EPHB1: variants seen among roughly 807,000 people sequenced by gnomAD.
EPHB1 encodes the protein EPH receptor B1.
In EPHB1, 30 loss-of-function variants were observed where a neutral mutation model predicts 94.4. The observed-to-expected ratio is 0.32, with a 90% CI of 0.24 to 0.43. The LOEUF (loss-of-function observed/expected upper bound fraction) is 0.43, where lower values mean the gene tolerates loss of function less well. EPHB1 is among the 20% of genes least tolerant of loss of function. The probability of loss-of-function intolerance (pLI) is 1.00; values close to 1 mark genes in which losing one functional copy is unlikely to be tolerated. For missense variants in EPHB1, 1,055 were observed against 1,308.3 expected (o/e 0.81, Z 2.99); for synonymous variants, 522 against 489.1 (o/e 1.07, Z -0.89).
At chr3:135,236,228 T>C (rs941073629) in intron 12 of EPHB1, among the ~76,000 whole-genome samples, 4 of 152,206 alleles carry the variant, frequency 2.6e-5, no homozygotes, top group African/African-American at 9.6e-5. Flanking sequence ...CCATCAATTC[T>C]TGATATAACT....
intron 1 of EPHB1, among the ~76,000 whole-genome samples, chr3:134,869,360 A>G (rs1237345031): frequency 6.6e-6 from 1 of 152,216 alleles, no homozygotes; most frequent in Non-Finnish European, 1.5e-5. Context: ...GCCATTCTCA[A>G]TAGACTCTGC....
At chr3:134,894,427 C>T (rs910339734) in intron 1 of EPHB1, among the ~76,000 whole-genome samples, 1 of 152,198 alleles carries the variant, frequency 6.6e-6, no homozygotes, top group Admixed American at 6.5e-5. Context: ...GTTTTACAGC[C>T]TAGAAACCTT....
chr3:135,194,593 G>A (rs1942546698), intron 11 of EPHB1, among the ~76,000 whole-genome samples: 1 of 152,174 alleles, frequency 6.6e-6, no homozygotes, highest in South Asian at 2.1e-4. Flanking sequence ...AGAGCTTAGG[G>A]GCTGTAGTGT....
intron 3 of EPHB1, among the ~76,000 whole-genome samples, chr3:135,070,275 G>A (rs1937661014): frequency 6.6e-6 from 1 of 152,188 alleles, no homozygotes; most frequent in Non-Finnish European, 1.5e-5. Flanking sequence ...AGGGACTCTG[G>A]TCCTGTAAGG....
At chr3:135,103,167 T>G (rs1449826993) in intron 3 of EPHB1, among the ~76,000 whole-genome samples, 1 of 152,166 alleles carries the variant, frequency 6.6e-6, no homozygotes, top group East Asian at 1.9e-4. Flanking sequence ...AAAAAATCTT[T>G]AATAAATGAA....
intron 1 of EPHB1, among the ~76,000 whole-genome samples, chr3:134,909,396 C>T (rs1461241583): frequency 6.6e-6 from 1 of 152,204 alleles, no homozygotes; most frequent in Non-Finnish European, 1.5e-5. Flanking sequence ...ACTGCGTGAC[C>T]ACCTGGGTAG....
chr3:134,997,802 A>G (rs917858000), intron 3 of EPHB1, among the ~76,000 whole-genome samples: 2 of 152,140 alleles, frequency 1.3e-5, no homozygotes, highest in Non-Finnish European at 2.9e-5. Flanking sequence ...TTTTCTTCTC[A>G]ATTCTGCAGT....
intron 2 of EPHB1, among the ~76,000 whole-genome samples, chr3:134,949,793 C>T (rs1240319531): frequency 6.6e-6 from 1 of 152,138 alleles, no homozygotes; most frequent in Non-Finnish European, 1.5e-5. Flanking sequence ...ATCCTCCGTT[C>T]TTGAGACCAG....
intron 1 of EPHB1, among the ~76,000 whole-genome samples, chr3:134,922,326 G>A (rs1301809006): frequency 6.6e-6 from 1 of 152,172 alleles, no homozygotes; most frequent in Non-Finnish European, 1.5e-5. Context: ...CCATCATCAG[G>A]AGCTCTCTGT....
At chr3:135,003,076 G>C (rs1100571) in intron 3 of EPHB1, among the ~76,000 whole-genome samples, 5 of 135,930 alleles carry the variant, frequency 3.7e-5, no homozygotes. Context: ...GATCTCTCCT[G>C]CTTTCTCTTG....
chr3:135,186,726 T>C (rs1380631036), intron 10 of EPHB1, among the ~76,000 whole-genome samples: 1 of 152,220 alleles, frequency 6.6e-6, no homozygotes. Flanking sequence ...CATACAATAG[T>C]TGAGGCATTT....
At chr3:135,040,376 G>T (rs1936794437) in intron 3 of EPHB1, among the ~76,000 whole-genome samples, 1 of 152,226 alleles carries the variant, frequency 6.6e-6, no homozygotes, top group African/African-American at 2.4e-5. Context: ...GGTGTCTTAG[G>T]AATAGCTCCC....
intron 3 of EPHB1, among the ~76,000 whole-genome samples, chr3:134,956,547 G>A (rs1375368498): frequency 6.6e-6 from 1 of 152,126 alleles, no homozygotes; most frequent in Non-Finnish European, 1.5e-5. Flanking sequence ...GGGCTGTCAT[G>A]CACAGGAGGT....
At chr3:134,998,528 A>G (rs1935071349) in intron 3 of EPHB1, among the ~76,000 whole-genome samples, 2 of 152,184 alleles carry the variant, frequency 1.3e-5, no homozygotes, top group East Asian at 1.9e-4. Flanking sequence ...ACCATCTCTG[A>G]TGCAGATACC....
At chr3:134,896,628 C>G (rs1307370252) in intron 1 of EPHB1, among the ~76,000 whole-genome samples, 4 of 152,212 alleles carry the variant, frequency 2.6e-5, no homozygotes, top group Non-Finnish European at 5.9e-5. Context: ...GCATGCTGGT[C>G]TCCACTGTAA....
chr3:134,952,364 C>G (rs1188490328), intron 3 of EPHB1, among the ~76,000 whole-genome samples: 1 of 114,166 alleles, frequency 8.8e-6, no homozygotes, highest in African/African-American at 4.5e-5. Flanking sequence ...CTCTCTCTCT[C>G]TCTCTCTCAC....
At chr3:135,079,119 A>C (rs7628634) in intron 3 of EPHB1, among the ~76,000 whole-genome samples, 5,901 of 149,682 alleles carry the variant, frequency 0.039, 171 homozygotes, top group East Asian at 0.14. Context: ...ACAAGCAAAA[A>C]CCCCCAAAAA....
chr3:135,040,994 G>T (rs572096790), intron 3 of EPHB1, among the ~76,000 whole-genome samples: 6 of 152,108 alleles, frequency 3.9e-5, no homozygotes, highest in Non-Finnish European at 8.8e-5. Context: ...TTAGGATAAG[G>T]CTCAGCTAGG....
At chr3:135,156,647 C>T (rs1036098781) in intron 6 of EPHB1, among the ~76,000 whole-genome samples, 22 of 152,194 alleles carry the variant, frequency 1.4e-4, no homozygotes, top group African/African-American at 5.1e-4. Flanking sequence ...GAGGATTAAG[C>T]GGCATTCTAT....
Sources: gnomAD v4.1 joint callset for allele counts (sites outside exome capture counted in the v4.1 genomes callset) on GRCh38, gnomAD v4.1.1 for gene constraint, MANE v1.5 for transcripts, NCBI Gene and HGNC (gene_info 2026-07-23, HGNC 2026-07-21) for gene names.